Variants in HS3ST5 observed in about 807,000 individuals in gnomAD.
The protein encoded by HS3ST5 is heparan sulfate-glucosamine 3-sulfotransferase 5.
Under a neutral mutation model 25.4 loss-of-function variants are expected in HS3ST5, and 10 were observed. The observed-to-expected ratio is 0.39, with a 90% CI of 0.24 to 0.67. The LOEUF is 0.67. Ranked by LOEUF, HS3ST5 falls within the 30% of genes least tolerant of loss-of-function variation. The probability of loss-of-function intolerance (pLI) is 0.44; values close to 1 mark genes in which losing one functional copy is unlikely to be tolerated. For synonymous variants in HS3ST5, 170 were observed against 162.4 expected, an observed-to-expected ratio of 1.05 and a Z score of -0.36; for missense variants, 324 against 420.7, an observed-to-expected ratio of 0.77 and a Z score of 2.01.
At chr6:114,099,674 C>T (rs1043644368) in intron 3 of HS3ST5, among the ~76,000 whole-genome samples, 2 of 152,030 alleles carry the variant, frequency 1.3e-5, no homozygotes, top group African/African-American at 4.8e-5. Context: ...TTAGGATTTT[C>T]TCTAATCCCA....
intron 2 of HS3ST5, among the ~76,000 whole-genome samples, chr6:114,226,931 C>T (rs1300908559): frequency 6.6e-6 from 1 of 151,856 alleles, no homozygotes; most frequent in Non-Finnish European, 1.5e-5. Flanking sequence ...AGGTATGCTT[C>T]TCTGAAATTG....
At chr6:114,133,485 G>C (rs1229968546) in intron 3 of HS3ST5, among the ~76,000 whole-genome samples, 1 of 152,138 alleles carries the variant, frequency 6.6e-6, no homozygotes, top group Non-Finnish European at 1.5e-5. Flanking sequence ...TCTATACAGT[G>C]GTGGTGTTTT....
intron 3 of HS3ST5, among the ~76,000 whole-genome samples, chr6:114,159,316 A>G (rs1275493544): frequency 2.0e-5 from 3 of 152,218 alleles, no homozygotes; most frequent in African/African-American, 4.8e-5. Flanking sequence ...ATTTTTTTCA[A>G]TAACCCCAAA....
intron 2 of HS3ST5, among the ~76,000 whole-genome samples, chr6:114,228,349 T>C (rs187730006): frequency 1.3e-5 from 2 of 152,296 alleles, no homozygotes. Context: ...GATTATCAAA[T>C]ATCAAGGTTT....
At chr6:114,199,226 A>G (rs1780901816) in intron 2 of HS3ST5, among the ~76,000 whole-genome samples, 1 of 152,220 alleles carries the variant, frequency 6.6e-6, no homozygotes, top group South Asian at 2.1e-4. Context: ...CAGGGAAAAC[A>G]ATAAGAAACT....
At chr6:114,100,071 G>A (rs976154680) in intron 3 of HS3ST5, among the ~76,000 whole-genome samples, 1 of 152,018 alleles carries the variant, frequency 6.6e-6, no homozygotes, top group African/African-American at 2.4e-5. Flanking sequence ...GGTTCTCTCT[G>A]GATAGAATTT....
At chr6:114,229,285 T>C (rs1771461624) in intron 1 of HS3ST5, among the ~76,000 whole-genome samples, 1 of 152,188 alleles carries the variant, frequency 6.6e-6, no homozygotes, top group African/African-American at 2.4e-5. Context: ...TGTTGCCTAT[T>C]CGGGAAAACC....
At chr6:114,198,576 C>T (rs1780869827) in intron 2 of HS3ST5, among the ~76,000 whole-genome samples, 1 of 152,164 alleles carries the variant, frequency 6.6e-6, no homozygotes, top group Admixed American at 6.5e-5. Context: ...TTCTGTTCTA[C>T]ACATCGGCAG....
At chr6:114,296,968 G>A (rs1774851262) in intron 1 of HS3ST5, among the ~76,000 whole-genome samples, 2 of 152,238 alleles carry the variant, frequency 1.3e-5, no homozygotes, top group South Asian at 4.2e-4. Context: ...GGGTCTTGCA[G>A]CAAAATGGGA....
intron 3 of HS3ST5, among the ~76,000 whole-genome samples, chr6:114,153,168 T>G (rs2114965126): frequency 6.6e-6 from 1 of 152,232 alleles, no homozygotes; most frequent in Admixed American, 6.5e-5. Flanking sequence ...AGAGCTGCCG[T>G]TTGGATCCTG....
intron 3 of HS3ST5, among the ~76,000 whole-genome samples, chr6:114,127,758 A>G (rs1777114134): frequency 2.0e-5 from 3 of 152,062 alleles, no homozygotes; most frequent in African/African-American, 7.2e-5. Context: ...CTTAAAAAAG[A>G]AGGAAATTCT....
chr6:114,200,379 T>C (rs1327469373), intron 2 of HS3ST5, among the ~76,000 whole-genome samples: 1 of 152,208 alleles, frequency 6.6e-6, no homozygotes, highest in Non-Finnish European at 1.5e-5. Flanking sequence ...TTTGAAAACA[T>C]GTATATAATG....
At chr6:114,127,427 A>G (rs1777097213) in intron 3 of HS3ST5, among the ~76,000 whole-genome samples, 1 of 152,192 alleles carries the variant, frequency 6.6e-6, no homozygotes, top group South Asian at 2.1e-4. Flanking sequence ...AACATGCCTC[A>G]AGAGTGATAC....
intron 2 of HS3ST5, among the ~76,000 whole-genome samples, chr6:114,182,023 A>C (rs1481412348): frequency 6.6e-6 from 1 of 152,174 alleles, no homozygotes; most frequent in African/African-American, 2.4e-5. Flanking sequence ...TTTTAACATA[A>C]GATTAAAACT....
intron 2 of HS3ST5, among the ~76,000 whole-genome samples, chr6:114,214,750 A>G (rs1326494986): frequency 6.6e-6 from 1 of 152,186 alleles, no homozygotes; most frequent in East Asian, 1.9e-4. Flanking sequence ...TCTGAGCCCA[A>G]TTTCTCTAGG....
chr6:114,325,029 G>C (rs1412860823), intron 1 of HS3ST5, among the ~76,000 whole-genome samples: 1 of 152,182 alleles, frequency 6.6e-6, no homozygotes, highest in Non-Finnish European at 1.5e-5. Context: ...TTTAAACAAA[G>C]ATTCTAAAAA....
At chr6:114,325,484 T>G (rs1425103696) in intron 1 of HS3ST5, among the ~76,000 whole-genome samples, 1 of 152,188 alleles carries the variant, frequency 6.6e-6, no homozygotes, top group African/African-American at 2.4e-5. Flanking sequence ...GAGAGAAAGA[T>G]AGATTTGGGA....
intron 3 of HS3ST5, among the ~76,000 whole-genome samples, chr6:114,088,362 C>A (rs1326110113): frequency 6.7e-6 from 1 of 149,990 alleles, no homozygotes; most frequent in Non-Finnish European, 1.5e-5. Context: ...TTATTCTTTT[C>A]TTCTGCCTAT....
intron 2 of HS3ST5, among the ~76,000 whole-genome samples, chr6:114,210,148 C>T (rs1781449465): frequency 6.6e-6 from 1 of 152,046 alleles, no homozygotes; most frequent in Admixed American, 6.6e-5. Flanking sequence ...ACAAAATATT[C>T]ATTATTAGTA....
Sources: allele counts gnomAD v4.1 joint callset (sites outside exome capture counted in the v4.1 genomes callset), GRCh38; gene constraint gnomAD v4.1.1; transcripts MANE v1.5; gene names NCBI Gene and HGNC (gene_info 2026-07-23, HGNC 2026-07-21).